FRMD4A: variants seen among roughly 807,000 people sequenced by gnomAD.
FRMD4A encodes FERM domain-containing protein 4A.
A neutral mutation model predicts 129.1 loss-of-function variants in FRMD4A; 29 were observed. The observed-to-expected ratio is 0.22, with a 90% CI of 0.17 to 0.31. FRMD4A has a LOEUF of 0.31. Ranked by LOEUF, FRMD4A falls within the 10% of genes least tolerant of loss-of-function variation. The pLI, the probability that FRMD4A is intolerant of heterozygous loss-of-function variation, is 1.00. For synonymous variants in FRMD4A, 634 were observed against 571.6 expected, an observed-to-expected ratio of 1.11 and a Z score of -1.56; for missense variants, 1,272 against 1,375.8, an observed-to-expected ratio of 0.92 and a Z score of 1.19.
At chr10:14,185,480 T>C (rs370311242) in intron 2 of FRMD4A, among the ~76,000 whole-genome samples, 1 of 152,224 alleles carries the variant, frequency 6.6e-6, no homozygotes, top group Non-Finnish European at 1.5e-5. Context: ...CATTACAACA[T>C]TTTGTAATTT....
At chr10:14,287,420 A>G (rs1845716900) in intron 2 of FRMD4A, among the ~76,000 whole-genome samples, 1 of 152,184 alleles carries the variant, frequency 6.6e-6, no homozygotes, top group Non-Finnish European at 1.5e-5. Context: ...TGCATTTTTT[A>G]AAAAATGAAT....
At chr10:14,090,635 A>G (rs1003681506) in intron 2 of FRMD4A, among the ~76,000 whole-genome samples, 4 of 152,086 alleles carry the variant, frequency 2.6e-5, no homozygotes, top group South Asian at 2.1e-4. Context: ...TAACGTTGGA[A>G]CCATACAGCA....
chr10:14,008,010 T>C (rs1433393005), intron 2 of FRMD4A: 3 of 1,288,964 alleles, frequency 2.3e-6, no homozygotes, highest in Non-Finnish European at 3.1e-6. Flanking sequence ...AACAAACATC[T>C]TCCTGTCTTT....
intron 2 of FRMD4A, among the ~76,000 whole-genome samples, chr10:13,939,197 G>A (rs190990739): frequency 1.8e-4 from 27 of 152,290 alleles, no homozygotes; most frequent in Non-Finnish European, 2.2e-4. Context: ...AAATTGCCTG[G>A]GATTAATCAA....
chr10:13,983,729 G>C (rs1341933981), intron 2 of FRMD4A, among the ~76,000 whole-genome samples: 2 of 152,064 alleles, frequency 1.3e-5, no homozygotes. Flanking sequence ...GCCGGGCGCG[G>C]TGGCTCATGC....
At chr10:14,095,438 G>A (rs1836900088) in intron 2 of FRMD4A, among the ~76,000 whole-genome samples, 1 of 152,184 alleles carries the variant, frequency 6.6e-6, no homozygotes, top group Non-Finnish European at 1.5e-5. Context: ...CATTTTTATT[G>A]TAATTTACAG....
At chr10:13,990,434 G>A (rs1052051004) in intron 2 of FRMD4A, among the ~76,000 whole-genome samples, 1 of 152,182 alleles carries the variant, frequency 6.6e-6, no homozygotes, top group Non-Finnish European at 1.5e-5. Context: ...TGTCTTGTCT[G>A]TTGGGCGGGT....
At chr10:13,750,217 G>T (rs1564739856) in intron 8 of FRMD4A, among the ~76,000 whole-genome samples, 1 of 142,878 alleles carries the variant, frequency 7.0e-6, no homozygotes, top group Non-Finnish European at 1.5e-5. Context: ...ACCAACTAGA[G>T]GGAAAAGCTC....
intron 2 of FRMD4A, among the ~76,000 whole-genome samples, chr10:14,123,051 A>T (rs1838622163): frequency 6.6e-6 from 1 of 152,184 alleles, no homozygotes; most frequent in African/African-American, 2.4e-5. Context: ...GAACTTCATT[A>T]TACTATTCTA....
chr10:14,101,563 G>A (rs181583429), intron 2 of FRMD4A, among the ~76,000 whole-genome samples: 1 of 152,036 alleles, frequency 6.6e-6, no homozygotes, highest in Non-Finnish European at 1.5e-5. Context: ...GGGAACCTAG[G>A]GATATAGCAC....
chr10:14,126,015 A>C (rs1206087077), intron 2 of FRMD4A, among the ~76,000 whole-genome samples: 2 of 152,160 alleles, frequency 1.3e-5, no homozygotes, highest in Non-Finnish European at 2.9e-5. Context: ...TGCCTGGATG[A>C]ATCTCATTTT....
intron 3 of FRMD4A, among the ~76,000 whole-genome samples, chr10:13,829,885 G>A (rs1164463088): frequency 6.6e-6 from 1 of 152,126 alleles, no homozygotes; most frequent in Non-Finnish European, 1.5e-5. Context: ...ATAAATCGGG[G>A]GCCTGGCCAG....
chr10:14,112,252 C>A (rs918701252), intron 2 of FRMD4A, among the ~76,000 whole-genome samples: 18 of 152,078 alleles, frequency 1.2e-4, no homozygotes, highest in African/African-American at 3.9e-4. Flanking sequence ...GAATTTAATT[C>A]TCTAAGTAAT....
At chr10:14,141,148 C>A (rs1006741420) in intron 2 of FRMD4A, among the ~76,000 whole-genome samples, 2 of 152,062 alleles carry the variant, frequency 1.3e-5, no homozygotes, top group Non-Finnish European at 1.5e-5. Flanking sequence ...CAGTAGCAAT[C>A]TGGTGCTTTA....
intron 2 of FRMD4A, among the ~76,000 whole-genome samples, chr10:14,313,176 G>A (rs1018454827): frequency 2.1e-5 from 3 of 145,660 alleles, no homozygotes; most frequent in African/African-American, 7.7e-5. Context: ...AATATAGTGA[G>A]ACCTCATTTC....
At chr10:13,868,083 A>C (rs967721368) in intron 2 of FRMD4A, among the ~76,000 whole-genome samples, 4 of 150,854 alleles carry the variant, frequency 2.7e-5, no homozygotes, top group Non-Finnish European at 5.9e-5. Context: ...GTGAGACCCC[A>C]TCTCAAAAAT....
chr10:13,662,178 C>T (rs929149825), intron 19 of FRMD4A, among the ~76,000 whole-genome samples: 5 of 152,170 alleles, frequency 3.3e-5, no homozygotes, highest in African/African-American at 4.8e-5. Flanking sequence ...AGAGGCCAAC[C>T]GCAGGGCTGG....
chr10:13,962,466 G>A (rs12247279), intron 2 of FRMD4A, among the ~76,000 whole-genome samples: 31,625 of 152,048 alleles, frequency 0.21, 3,420 homozygotes, highest in Admixed American at 0.25. Context: ...ATTTTGAAAA[G>A]GCAAGCGTTT....
intron 12 of FRMD4A, among the ~76,000 whole-genome samples, chr10:13,732,843 A>C (rs997809824): frequency 7.2e-5 from 11 of 152,288 alleles, no homozygotes; most frequent in East Asian, 5.8e-4. Context: ...TGGCCACACT[A>C]GGGAGCCTGG....
Sources: allele counts gnomAD v4.1 joint callset (sites outside exome capture counted in the v4.1 genomes callset), GRCh38; gene constraint gnomAD v4.1.1; transcripts MANE v1.5; gene names NCBI Gene and HGNC (gene_info 2026-07-23, HGNC 2026-07-21).